Variants in NTM observed in about 807,000 individuals in gnomAD.
NTM encodes IgLON family member 2.
In NTM, 13 loss-of-function variants were observed where a neutral mutation model predicts 42.1. The observed-to-expected ratio is 0.31, with a 90% CI of 0.20 to 0.49. The LOEUF (loss-of-function observed/expected upper bound fraction) is 0.49, where lower values mean the gene tolerates loss of function less well. NTM is among the 20% of genes least tolerant of loss of function. The pLI, the probability that NTM is intolerant of heterozygous loss-of-function variation, is 0.99. For synonymous variants in NTM, 187 were observed against 179.2 expected (o/e 1.04, Z -0.35); for missense variants, 373 against 452.8 (o/e 0.82, Z 1.60).
chr11:131,945,082 G>C (rs946403515), intron 2 of NTM, among the ~76,000 whole-genome samples: 11 of 152,160 alleles, frequency 7.2e-5, no homozygotes, highest in African/African-American at 2.7e-4. Flanking sequence ...CTTTCACCAA[G>C]CACAAATCCG....
chr11:132,149,132 G>A (rs2071268744), intron 3 of NTM, among the ~76,000 whole-genome samples: 1 of 149,338 alleles, frequency 6.7e-6, no homozygotes, highest in Non-Finnish European at 1.5e-5. Context: ...TTTTTTCAGA[G>A]CCAAACTGAC....
intron 2 of NTM, among the ~76,000 whole-genome samples, chr11:132,047,534 G>A (rs897851211): frequency 1.3e-5 from 2 of 152,196 alleles, no homozygotes; most frequent in Non-Finnish European, 2.9e-5. Context: ...TTATTTTGAA[G>A]CAAAAGCTCC....
At position 132,163,985 on chromosome 11, in the gene NTM, A is replaced by G. The variant is rs138189107; in HGVS notation, c.400+17471A>G. On this transcript the variant is annotated intron_variant, in intron 3 of 8. Coordinates refer to ENST00000683400, the MANE Select transcript of NTM (RefSeq NM_001352005.2). Reference sequence around the variant, plus strand: ...TTACAGATGGGAAAACATGAAACTGAAGAGGTTAGCTGGCTTATCCAAGGT... The same window carrying G: ...TTACAGATGGGAAAACATGAAACTGGAGAGGTTAGCTGGCTTATCCAAGGT... Among the ~76,000 whole-genome samples the G allele has an allele frequency of 5.0e-3, 755 of 152,284 alleles. 1 individual carries two copies. Among genetic ancestry groups the G allele is most frequent in the South Asian group, 9.1e-3 (44 of 4,818 alleles).
chr11:131,587,862 G>C (rs1004150098), intron 1 of NTM, among the ~76,000 whole-genome samples: 1 of 152,138 alleles, frequency 6.6e-6, no homozygotes, highest in African/African-American at 2.4e-5. Flanking sequence ...ACAAGTTCAG[G>C]GCTGGTGGAA....
At chr11:132,197,440 G>T (rs1327658192) in intron 3 of NTM, among the ~76,000 whole-genome samples, 3 of 151,826 alleles carry the variant, frequency 2.0e-5, no homozygotes, top group African/African-American at 7.2e-5. Flanking sequence ...ATTACCATTT[G>T]TCATAACCAC....
At chr11:131,558,380 G>A (rs1039016378) in intron 1 of NTM, among the ~76,000 whole-genome samples, 13 of 152,278 alleles carry the variant, frequency 8.5e-5, no homozygotes, top group South Asian at 2.1e-4. Context: ...CAGATTGTCA[G>A]GGAATTGGAG....
Position 132,160,793 on chromosome 11 carries a change from C to T in NTM, c.400+14279C>T, listed in dbSNP as rs75744471. Among the ~76,000 whole-genome samples, 515 of 152,106 alleles carry T rather than the reference C, an allele frequency of 3.4e-3. 12 individuals carry two copies. The East Asian group carries it at 0.048, about 14-fold the overall frequency. Reference sequence around the variant, plus strand: ...CATCAGGAAGGTGAAACCTTCTGGACAAAAAATGACAAGTGCAGGATGGGG... The same window carrying T: ...CATCAGGAAGGTGAAACCTTCTGGATAAAAAATGACAAGTGCAGGATGGGG... On this transcript the variant is annotated intron_variant, in intron 3 of 8. Coordinates refer to ENST00000683400, the MANE Select transcript of NTM (RefSeq NM_001352005.2).
chr11:132,258,820 T>C (rs1201362856), intron 4 of NTM, among the ~76,000 whole-genome samples: 1 of 152,238 alleles, frequency 6.6e-6, no homozygotes, highest in East Asian at 1.9e-4. Context: ...CACATTATTG[T>C]AGTGATTGAG....
At chr11:131,493,675 G>T (rs1246767627) in intron 1 of NTM, among the ~76,000 whole-genome samples, 3 of 152,180 alleles carry the variant, frequency 2.0e-5, no homozygotes, top group African/African-American at 7.2e-5. Flanking sequence ...CACAGATGGG[G>T]CAGTGAAGCC....
intron 4 of NTM, among the ~76,000 whole-genome samples, chr11:132,272,423 G>C (rs1380552778): frequency 6.6e-6 from 1 of 152,088 alleles, no homozygotes; most frequent in Non-Finnish European, 1.5e-5. Context: ...GAAGCCAGCT[G>C]TTATTTTGAT....
chr11:131,834,421 T>C (rs1004833465), intron 1 of NTM, among the ~76,000 whole-genome samples: 1 of 151,996 alleles, frequency 6.6e-6, no homozygotes, highest in African/African-American at 2.4e-5. Flanking sequence ...TTTACTGAAT[T>C]GTTTTCATGT....
At chr11:131,394,397 C>T (rs1944333787) in intron 1 of NTM, among the ~76,000 whole-genome samples, 1 of 152,194 alleles carries the variant, frequency 6.6e-6, no homozygotes, top group Non-Finnish European at 1.5e-5. Context: ...GGCCCCCTCA[C>T]TGGCTGAGAT....
chr11:131,836,174 C>T (rs536125396), intron 1 of NTM, among the ~76,000 whole-genome samples: 85 of 152,282 alleles, frequency 5.6e-4, no homozygotes, highest in African/African-American at 1.8e-3. Context: ...TTATGATGTG[C>T]TCATTTTTTC....
chr11:132,254,950 T>A lies in NTM; in HGVS notation c.526+42803T>A, dbSNP rs555579329. 2.6e-5 allele frequency among the ~76,000 whole-genome samples: 4 copies of A among 152,336 alleles called. No individual in the cohort carries two copies. In the East Asian group the frequency reaches 7.7e-4, roughly 29 times the overall value. ...GATAGCAGTAACAAGCACATCCCAA[T>A]TGTGATAAACAAAAATGTCCCCAGA... On this transcript the variant is annotated intron_variant, in intron 4 of 8. Coordinates refer to ENST00000683400, the MANE Select transcript of NTM (RefSeq NM_001352005.2).
rs560261701 is a variant in NTM, at chr11:132,333,267, G to A, written c.968-1779G>A. On this transcript the variant is annotated intron_variant, in intron 8 of 8. Transcript: ENST00000683400. ...TTGTCGTCTCAGAGTCCTCAGCCTC[G>A]GGCACAGACAAGGGCCTTGGTTGGA... Among the ~76,000 whole-genome samples, 7 of 152,220 alleles carry A rather than the reference G, an allele frequency of 4.6e-5. No individual in the cohort carries two copies. In the East Asian group the frequency reaches 5.8e-4, roughly 13 times the overall value.
chr11:131,693,479 G>A lies in NTM; in HGVS notation c.83-218085G>A, dbSNP rs146723670. Among the ~76,000 whole-genome samples the A allele has an allele frequency of 7.2e-3, 1,093 of 152,242 alleles. 10 individuals are homozygous for A. Among genetic ancestry groups the A allele is most frequent in the African/African-American group, 0.025 (1,036 of 41,540 alleles). Reference sequence around the variant, plus strand: ...TCATCAAGACAGGTTAAGGAATGGGGGGCATGGCTTCCAAACACGAAGGAG... The same window carrying A: ...TCATCAAGACAGGTTAAGGAATGGGAGGCATGGCTTCCAAACACGAAGGAG... On this transcript the variant is annotated intron_variant, in intron 1 of 8. Transcript: ENST00000683400.
intron 4 of NTM, among the ~76,000 whole-genome samples, chr11:132,231,239 A>G (rs920160227): frequency 1.8e-4 from 28 of 152,196 alleles, no homozygotes; most frequent in African/African-American, 6.8e-4. Context: ...CATTTTCTCT[A>G]ATGCAGAGTT....
chr11:131,744,981 C>T (rs1047007340), intron 1 of NTM, among the ~76,000 whole-genome samples: 2 of 152,138 alleles, frequency 1.3e-5, no homozygotes, highest in African/African-American at 2.4e-5. Context: ...TGAGTGCTGA[C>T]GCAGAAGGGT....
At chr11:131,829,943 G>T (rs1406943361) in intron 1 of NTM, among the ~76,000 whole-genome samples, 1 of 152,072 alleles carries the variant, frequency 6.6e-6, no homozygotes, top group Admixed American at 6.6e-5. Flanking sequence ...ATGTGGAACA[G>T]GTTTTTCTTA....
Sources: allele counts gnomAD v4.1 joint callset (sites outside exome capture counted in the v4.1 genomes callset), GRCh38; gene constraint gnomAD v4.1.1; transcripts MANE v1.5; gene names NCBI Gene and HGNC (gene_info 2026-07-23, HGNC 2026-07-21).